MIGA1: variants seen among roughly 807,000 people sequenced by gnomAD.
The protein encoded by MIGA1 is family with sequence similarity 73, member A.
A neutral mutation model predicts 82.0 loss-of-function variants in MIGA1; 58 were observed. The ratio of observed to expected loss-of-function variants is 0.71; its 90% confidence interval spans 0.57 to 0.88. The LOEUF (loss-of-function observed/expected upper bound fraction) is 0.88. Among genes scored for constraint, MIGA1 ranks in the 40% least tolerant of loss-of-function variants. The pLI, the probability that MIGA1 is intolerant of heterozygous loss-of-function variation, is 0.00. For synonymous variants in MIGA1, 249 were observed against 253.6 expected, an observed-to-expected ratio of 0.98 and a Z score of 0.17; for missense variants, 751 against 749.1, an observed-to-expected ratio of 1.00 and a Z score of -0.03.
At chr1:77,805,139 C>A (rs1683042344) in intron 4 of MIGA1, among the ~76,000 whole-genome samples, 1 of 151,882 alleles carries the variant, frequency 6.6e-6, no homozygotes, top group African/African-American at 2.4e-5. Context: ...GGACTACAGG[C>A]ACCCGCCACC....
chr1:77,848,004 T>A (rs555154391), intron 8 of MIGA1: 1 of 1,233,034 alleles, frequency 8.1e-7, no homozygotes, highest in South Asian at 1.2e-5. Flanking sequence ...CCACTCTCAG[T>A]CACCTAGTGA....
Position 77,864,035 on chromosome 1 carries a change from G to T in MIGA1, c.1509+7G>T, listed in dbSNP as rs1480131093. On this transcript the variant is annotated splice_region_variant and intron_variant, in intron 13 of 15. Transcript: ENST00000370791. ...CTCATCCTTCAAAGAAACAGTAAGT[G>T]GTGGTTAACCTTTCTCAGCCTTTTA... The T allele has an allele frequency of 2.5e-6, 4 of 1,605,236 alleles. No homozygotes were observed. The highest frequency in any genetic ancestry group is 3.4e-6 in the Non-Finnish European group (4 of 1,177,942).
chr1:77,848,145 C>T, intron 8 of MIGA1: 1 of 1,384,564 alleles, frequency 7.2e-7, no homozygotes, highest in Non-Finnish European at 1.0e-6. Flanking sequence ...CCGTGATTAC[C>T]AGAAAGAAAG....
rs1394757859 is a variant in MIGA1, at chr1:77,877,320, T to G, written c.*2256T>G. ...ATTCAGGATCATGCTGTTTTGCATG[T>G]ACTTTATAGGTTATATAGCATGAAA... On this transcript the variant is annotated 3_prime_UTR_variant, in exon 16 of 16. Transcript: ENST00000370791. 1 of 152,226 alleles carries G rather than the reference T, an allele frequency of 6.6e-6. No individual in the cohort carries two copies. Among genetic ancestry groups the G allele is most frequent in the African/African-American group, 2.4e-5 (1 of 41,464 alleles). The allele number at this position is 152,226 out of a possible 1,614,324, so 9.4% of individuals were successfully genotyped here.
Position 77,779,688 on chromosome 1 carries a change from C to G in MIGA1, c.33C>G (p.Ser11Arg). 2 of 1,585,804 alleles carry G rather than the reference C, an allele frequency of 1.3e-6. No individual in the cohort carries two copies. The highest frequency in any genetic ancestry group is 2.3e-5 in the East Asian group (1 of 43,516). Reference sequence around the variant, plus strand: ...ACTGCTGCTCAGCGCCAGGCATCAGCTGGGAAGCTGGCGTGGGCAGGCCAG... The same window carrying G: ...ACTGCTGCTCAGCGCCAGGCATCAGGTGGGAAGCTGGCGTGGGCAGGCCAG... The change falls in exon 1 of 16, where the codon AGC (serine) becomes AGG (arginine). Residue 11 changes from serine to arginine, a missense_variant. Around this residue, in one of 3 missense-constraint regions of MIGA1, gnomAD observed 482 missense variants for 439.4 expected, o/e 1.10. Coordinates refer to ENST00000370791, the MANE Select transcript of MIGA1 (RefSeq NM_198549.4).
chr1:77,861,215 C>T lies in MIGA1; in HGVS notation c.1276-9C>T, dbSNP rs372347815. ...TGAGTTTAGGGTTAAAATGTGTTTT[C>T]TTCTTCAGAATCCAAAGAAGTTTGA... On this transcript the variant is annotated splice_polypyrimidine_tract_variant and intron_variant, in intron 11 of 15. Coordinates refer to ENST00000370791, the MANE Select transcript of MIGA1 (RefSeq NM_198549.4). 69 of 1,571,916 alleles carry T rather than the reference C, an allele frequency of 4.4e-5. No homozygotes were observed. In the African/African-American group the frequency reaches 8.0e-4, roughly 18 times the overall value.
At chr1:77,855,136 AT>A (rs1213068989) in intron 8 of MIGA1, among the ~76,000 whole-genome samples, 2 of 152,160 alleles carry the variant, frequency 1.3e-5, no homozygotes, top group Non-Finnish European at 2.9e-5. Flanking sequence ...TCCCAGCAAC[AT>A]TTGTTGAAAA....
intron 8 of MIGA1, chr1:77,848,785 G>C: frequency 7.8e-7 from 1 of 1,284,616 alleles, no homozygotes; most frequent in Non-Finnish European, 1.1e-6. Context: ...GAGCTATATT[G>C]ACAAACAAGA....
chr1:77,780,049 G>C lies in MIGA1; in HGVS notation c.81+313G>C, dbSNP rs970159246. On this transcript the variant is annotated intron_variant, in intron 1 of 15. Transcript: ENST00000370791. ...GGAAGCGCGGAATTGGGATGGGCTC[G>C]CCACTGCTCTGAGCCAGAGGAAGGG... 4 of 1,129,470 alleles carry C rather than the reference G, an allele frequency of 3.5e-6. No homozygotes were observed. The African/African-American group carries it at 6.6e-5, about 19-fold the overall frequency. The allele number at this position is 1,129,470 out of a possible 1,614,324, so 70.0% of individuals were successfully genotyped here.
At chr1:77,806,778 T>G (rs1430619682) in intron 4 of MIGA1, among the ~76,000 whole-genome samples, 197 bp from the exon 5 acceptor site, 2 of 152,232 alleles carry the variant, frequency 1.3e-5, no homozygotes, top group Non-Finnish European at 2.9e-5. Context: ...TCTTGTGTAT[T>G]TTTGAGCAAA....
At chr1:77,785,420 C>A (rs527655183) in intron 2 of MIGA1, among the ~76,000 whole-genome samples, 16 of 151,872 alleles carry the variant, frequency 1.1e-4, no homozygotes, top group Non-Finnish European at 2.1e-4. Context: ...CTTGGCTCAC[C>A]GCAACCTCTG....
At chr1:77,828,740 A>G (rs550507176) in intron 7 of MIGA1, among the ~76,000 whole-genome samples, 4 of 152,264 alleles carry the variant, frequency 2.6e-5, no homozygotes, top group African/African-American at 9.6e-5. Context: ...TGGTGTGACC[A>G]TAGCTTACTA....
In MIGA1 at chr1:77,844,113, AAT is replaced by A. The variant is rs869208869; in HGVS notation, c.996+730_996+731del. Among the ~76,000 whole-genome samples, 520 of 90,112 alleles carry A rather than the reference AAT, an allele frequency of 5.8e-3. 9 individuals are homozygous for A. The highest frequency in any genetic ancestry group is 0.019 in the African/African-American group (411 of 21,918). 59.1% of individuals were successfully genotyped at this position (90,112 alleles called of 152,430 possible). A position where few individuals can be genotyped will look rare whatever the true frequency, so the allele number is the denominator to read the frequency against. ...AAGACCCTGTCTTAAAAAAAAAAAA[AAT>A]ATATATATATATATATATATATAGA... On this transcript the variant is annotated intron_variant, in intron 8 of 15. Transcript: ENST00000370791.
At chr1:77,848,704 A>G in intron 8 of MIGA1, 1 of 1,556,366 alleles carries the variant, frequency 6.4e-7, no homozygotes, top group African/African-American at 1.4e-5. Flanking sequence ...TGCAAAGAGG[A>G]ACAACGAAGA....
At chr1:77,866,777 G>C (rs894215138) in intron 14 of MIGA1, among the ~76,000 whole-genome samples, 3 of 150,430 alleles carry the variant, frequency 2.0e-5, no homozygotes, top group African/African-American at 7.3e-5. Context: ...TTTGCTTCCC[G>C]GGTTCAAGCG....
intron 7 of MIGA1, among the ~76,000 whole-genome samples, chr1:77,840,381 G>A (rs1684584299): frequency 6.6e-6 from 1 of 152,122 alleles, no homozygotes; most frequent in Non-Finnish European, 1.5e-5. Context: ...GTTGACTAAA[G>A]TAAAACAGAC....
intron 8 of MIGA1, among the ~76,000 whole-genome samples, chr1:77,843,790 A>ATT (rs1370915801): frequency 6.6e-6 from 1 of 152,076 alleles, no homozygotes; most frequent in African/African-American, 2.4e-5. Context: ...AGATTCAAAG[A>ATT]TTATATATAT....
intron 2 of MIGA1, among the ~76,000 whole-genome samples, chr1:77,784,463 T>G (rs1432260688): frequency 3.9e-5 from 6 of 152,152 alleles, no homozygotes; most frequent in Non-Finnish European, 7.4e-5. Context: ...TGGCCTCAAA[T>G]CATCCTCTCA....
intron 7 of MIGA1, among the ~76,000 whole-genome samples, chr1:77,819,576 G>A (rs992805576): frequency 3.3e-5 from 5 of 150,644 alleles, no homozygotes; most frequent in South Asian, 4.2e-4. Flanking sequence ...GAACCACTGC[G>A]CCTGGCCTAT....
Sources: allele counts gnomAD v4.1 joint callset (sites outside exome capture counted in the v4.1 genomes callset), GRCh38; gene constraint gnomAD v4.1.1; regional missense constraint gnomAD v4.1.1; transcripts MANE v1.5; gene names NCBI Gene and HGNC (gene_info 2026-07-23, HGNC 2026-07-21).